ODAD3: variants seen among roughly 807,000 people sequenced by gnomAD.
ODAD3 encodes the protein outer dynein arm docking complex subunit 3, also known as outer dynein arm-docking complex subunit 3.
A neutral mutation model predicts 70.9 loss-of-function variants in ODAD3; 57 were observed. That is an observed-to-expected ratio of 0.80 (90% confidence interval 0.65 to 1.00). ODAD3 has a LOEUF of 1.00. Among genes scored for constraint, ODAD3 ranks in the 50% least tolerant of loss-of-function variants. ODAD3 has a pLI of 0.00. For missense variants in ODAD3, 797 were observed against 763.9 expected, an observed-to-expected ratio of 1.04 and a Z score of -0.51; for synonymous variants, 327 against 315.9, an observed-to-expected ratio of 1.04 and a Z score of -0.37.
chr19:11,424,997 G>GCATATATACATATGTGTA (rs1235585960), intron 7 of ODAD3, among the ~76,000 whole-genome samples: 1 of 124,618 alleles, frequency 8.0e-6, no homozygotes, highest in Non-Finnish European at 1.6e-5. Context: ...GTACATATGT[G>GCATATATACATATGTGTA]TATATGTATA....
rs1031735550 is a variant in ODAD3, at chr19:11,421,193, C to G, written c.1610G>C (p.Gly537Ala). 6.2e-7 allele frequency: 1 copy of G among 1,613,332 alleles called. No individual in the cohort carries two copies. Among genetic ancestry groups the G allele is most frequent in the African/African-American group, 1.3e-5 (1 of 74,884 alleles). The change falls in exon 12 of 13, where the codon GGA becomes GCA. Residue 537 changes from glycine (G) to alanine (A), a missense_variant. By Grantham distance (60) the Gly-to-Ala change is moderately conservative. Coordinates refer to ENST00000356392, the MANE Select transcript of ODAD3 (RefSeq NM_145045.5). ...ANREFLASLE[G>A]RLPEYNTRIA... ...GCGGGTGTTGTATTCGGGCAGCCTT[C>G]CCTCTAAGCTGGCGAGGAACTAAGC...
rs563947894 is a variant in ODAD3, at chr19:11,422,267, T to C, written c.1434+204A>G. ...TGACGTCTTGGGCTTCCTTGGGGAG[T>C]GAGAGCTTCCCCAGGGAGGTGGGGC... On this transcript the variant is annotated intron_variant, in intron 10 of 12. Coordinates refer to ENST00000356392, the MANE Select transcript of ODAD3 (RefSeq NM_145045.5). The surrounding 1 kb of genome is among the most constrained non-coding windows in gnomAD (Gnocchi z 4.6). Among the ~76,000 whole-genome samples the C allele has an allele frequency of 1.4e-4, 21 of 148,096 alleles. No individual in the cohort carries two copies. In the East Asian group the frequency reaches 3.8e-3, roughly 27 times the overall value.
At chr19:11,430,623 A>T (rs1969481910) in intron 3 of ODAD3, 76 bp downstream of exon 3, 2 of 1,340,324 alleles carry the variant, frequency 1.5e-6, no homozygotes. Context: ...AGGATTGGAG[A>T]GGGTGAGCCT....
upstream of ODAD3, chr19:11,435,608 G>T (rs1969673308): frequency 1.1e-5 from 12 of 1,081,780 alleles, no homozygotes; most frequent in Admixed American, 6.9e-5. Flanking sequence ...ACGACCGGAA[G>T]TGACGGGGTC....
In ODAD3 at chr19:11,426,157, C is replaced by T. The variant is rs575735533; in HGVS notation, c.950G>A (p.Arg317His). The T allele has an allele frequency of 1.1e-5, 17 of 1,610,300 alleles. No homozygotes were observed. The highest frequency in any genetic ancestry group is 2.7e-5 in the African/African-American group (2 of 75,002). Residue 317 changes from arginine to histidine, a missense_variant, in exon 7 of 13, where the codon CGC (arginine) becomes CAC (histidine). By Grantham distance (29) the Arg-to-His change is conservative. Coordinates refer to ENST00000356392, the MANE Select transcript of ODAD3 (RefSeq NM_145045.5). The stretch of plus-strand genomic sequence containing the variant: ...GGGTGCGCCCACCTTGCGCTCCATG[C>T]GCTCGTTCTCCAGTTTCTTCTCCTC... ...RAEEKKLENE[R>H]MERKTHREHL...
At chr19:11,428,951 C>T (rs932460466) in intron 3 of ODAD3, among the ~76,000 whole-genome samples, 1 of 151,786 alleles carries the variant, frequency 6.6e-6, no homozygotes, top group African/African-American at 2.4e-5. Flanking sequence ...GATCTCGGCT[C>T]ACAGCAACCT....
chr19:11,425,165 GTGTATATGTACATATGTGTATATA>G (rs1969281188), intron 7 of ODAD3, among the ~76,000 whole-genome samples: 3 of 130,632 alleles, frequency 2.3e-5, no homozygotes, highest in South Asian at 2.3e-4. Flanking sequence ...ATATACATAT[GTGTATATGTACATATGTGTATATA>G]TACATATGTG....
Position 11,431,348 on chromosome 19 carries a change from T to G in ODAD3, c.245-328A>C. On this transcript the variant is annotated intron_variant, in intron 1 of 12. Transcript: ENST00000356392. ...CTGGTCTCGAACTCCTGACCTCAGG[T>G]GTTCCCAAAGTTCTAGGCCCCCTAA... The G allele has an allele frequency of 7.2e-6, 2 of 278,670 alleles. 1 individual carries two copies. The highest frequency in any genetic ancestry group is 7.3e-5 in the South Asian group (2 of 27,492). The allele number at this position is 278,670 out of a possible 1,614,324, so 17.3% of individuals were successfully genotyped here.
At chr19:11,424,143 G>T in intron 7 of ODAD3, 114 bp from the exon 8 acceptor site, 2 of 1,319,832 alleles carry the variant, frequency 1.5e-6, no homozygotes, top group Non-Finnish European at 2.1e-6. Context: ...AAACTGGAGG[G>T]AAGGGAGAGG....
intron 7 of ODAD3, among the ~76,000 whole-genome samples, chr19:11,424,947 G>A (rs1222767916): frequency 8.4e-6 from 1 of 119,312 alleles, no homozygotes; most frequent in South Asian, 2.5e-4. Flanking sequence ...GTATATATGT[G>A]TATATGTACA....
upstream of ODAD3, chr19:11,435,661 T>G (rs757399963): frequency 7.7e-7 from 1 of 1,295,432 alleles, no homozygotes; most frequent in Non-Finnish European, 1.0e-6. Context: ...CCGCGGCTGC[T>G]GGACAAGAGG....
At chr19:11,431,196 C>T in intron 1 of ODAD3, 176 bp from the exon 2 acceptor site, 1 of 725,258 alleles carries the variant, frequency 1.4e-6, no homozygotes, top group Non-Finnish European at 2.2e-6. Flanking sequence ...ACCACAGCCT[C>T]CGCCTCCCGG....
At position 11,430,722 on chromosome 19, in the gene ODAD3, A is replaced by T. The variant is rs1969484452; in HGVS notation, c.421T>A (p.Tyr141Asn). The change falls in exon 3 of 13, where the codon TAC becomes AAC. Residue 141 changes from tyrosine (Y) to asparagine (N), a missense_variant. Tyr to Asn is a moderately radical substitution (Grantham distance 143). Transcript: ENST00000356392. Reference sequence around the variant, plus strand: ...ACCTGTCCTGTCCTGTTCTTCAGGTATGGCTTCTCCCACTTCCATTCGCGA... The same window carrying T: ...ACCTGTCCTGTCCTGTTCTTCAGGTTTGGCTTCTCCCACTTCCATTCGCGA... ...VIREWKWEKP[Y>N]LKNRTGQALE... 1.2e-6 allele frequency: 2 copies of T among 1,614,016 alleles called. No homozygotes were observed. The highest frequency in any genetic ancestry group is 1.7e-6 in the Non-Finnish European group (2 of 1,180,000).
intron 3 of ODAD3, among the ~76,000 whole-genome samples, chr19:11,429,827 C>T (rs1011148585): frequency 5.3e-5 from 8 of 151,620 alleles, no homozygotes; most frequent in Admixed American, 4.6e-4. Flanking sequence ...CGTGAGCCAC[C>T]GCGCCCAGCC....
At chr19:11,425,625 GCATATA>G (rs1969346618) in intron 7 of ODAD3, among the ~76,000 whole-genome samples, 1 of 135,924 alleles carries the variant, frequency 7.4e-6, no homozygotes, top group African/African-American at 3.2e-5. Flanking sequence ...ATGCATATAT[GCATATA>G]TGTATATATA....
Position 11,424,497 on chromosome 19 carries a change from ATATATATG to A in ODAD3, c.964-476_964-469del, listed in dbSNP as rs1254237611. Among the ~76,000 whole-genome samples the A allele has an allele frequency of 2.7e-4, 39 of 142,184 alleles. 1 individual carries two copies. Among genetic ancestry groups the A allele is most frequent in the African/African-American group, 7.3e-4 (26 of 35,590 alleles). 93.3% of individuals were successfully genotyped at this position (142,184 alleles called of 152,430 possible). ...GACCGTGTCTCAAAAAAAAATCCAT[ATATATATG>A]TATATATGTATATATATGTATATAT... On this transcript the variant is annotated intron_variant, in intron 7 of 12. Transcript: ENST00000356392.
At chr19:11,425,380 T>TAC (rs1484658260) in intron 7 of ODAD3, among the ~76,000 whole-genome samples, 3 of 136,522 alleles carry the variant, frequency 2.2e-5, no homozygotes, top group African/African-American at 9.7e-5. Flanking sequence ...TATATATGTG[T>TAC]GTATGTACAT....
At position 11,434,850 on chromosome 19, in the gene ODAD3, C is replaced by A. The variant is rs759215057; in HGVS notation, c.167G>T (p.Gly56Val). Residue 56 changes from glycine (G) to valine (V), a missense_variant, in exon 1 of 13, where the codon GGA becomes GTA. Transcript: ENST00000356392. The stretch of plus-strand genomic sequence containing the variant: ...CTTCCCTGCACCTCTGTGGAAGGAT[C>A]CTCCCTTGGAACGGCCTGGGGTCCA... ...QAWTPGRSKG[G>V]SFHRGAGKPS... 3 of 1,614,092 alleles carry A rather than the reference C, an allele frequency of 1.9e-6. No homozygotes were observed. The highest frequency in any genetic ancestry group is 1.7e-5 in the Admixed American group (1 of 60,008).
chr19:11,421,882 AAGGCTCCACCC>A, intron 10 of ODAD3, 50 bp from the exon 11 acceptor site: 1 of 1,570,268 alleles, frequency 6.4e-7, no homozygotes, highest in Non-Finnish European at 8.6e-7. Context: ...GGCCTCTTGG[AAGGCTCCACCC>A]AGGGGCGGGG....
Sources: allele counts gnomAD v4.1 joint callset (sites outside exome capture counted in the v4.1 genomes callset), GRCh38; gene constraint gnomAD v4.1.1; non-coding constraint Gnocchi (gnomAD v3.1); transcripts MANE v1.5; gene names NCBI Gene and HGNC (gene_info 2026-07-23, HGNC 2026-07-21).